PDLIM5: variants seen among roughly 807,000 people sequenced by gnomAD.
PDLIM5 encodes PDZ and LIM domain protein 5.
A neutral mutation model predicts 64.2 loss-of-function variants in PDLIM5; 34 were observed. The ratio of observed to expected loss-of-function variants is 0.53; its 90% CI spans 0.40 to 0.71. The LOEUF is 0.71. PDLIM5 is among the 30% of genes least tolerant of loss of function. The probability of loss-of-function intolerance (pLI) is 0.00; values close to 1 mark genes in which losing one functional copy is unlikely to be tolerated. For missense variants in PDLIM5, 683 were observed against 733.6 expected, an observed-to-expected ratio of 0.93 and a Z score of 0.80; for synonymous variants, 253 against 269.1, an observed-to-expected ratio of 0.94 and a Z score of 0.59.
intron 9 of PDLIM5, among the ~76,000 whole-genome samples, chr4:94,647,733 C>T (rs2110474618): frequency 6.6e-6 from 1 of 152,238 alleles, no homozygotes; most frequent in South Asian, 2.1e-4. Context: ...GTATGTGGAA[C>T]ATTCTCCGGG....
At chr4:94,538,391 T>G (rs752710117) in intron 3 of PDLIM5, among the ~76,000 whole-genome samples, 17 of 152,174 alleles carry the variant, frequency 1.1e-4, no homozygotes, top group Admixed American at 7.2e-4. Flanking sequence ...GATTCAAACT[T>G]TCATTTTGAT....
intron 3 of PDLIM5, among the ~76,000 whole-genome samples, chr4:94,547,147 G>A (rs1732395524): frequency 6.6e-6 from 1 of 152,066 alleles, no homozygotes; most frequent in Non-Finnish European, 1.5e-5. Flanking sequence ...ATTTACCTGT[G>A]TATTAGTTTC....
At chr4:94,459,406 A>ACCT (rs1266288094) in intron 2 of PDLIM5, among the ~76,000 whole-genome samples, 2 of 152,340 alleles carry the variant, frequency 1.3e-5, no homozygotes, top group East Asian at 3.9e-4. Flanking sequence ...GGGGAGGATA[A>ACCT]ATTGTTATAA....
At chr4:94,547,359 T>G (rs1732414414) in intron 3 of PDLIM5, among the ~76,000 whole-genome samples, 1 of 152,148 alleles carries the variant, frequency 6.6e-6, no homozygotes, top group African/African-American at 2.4e-5. Context: ...CTACCTGCAT[T>G]CCTTGACTTG....
intron 7 of PDLIM5, chr4:94,610,356 G>C: frequency 8.4e-7 from 1 of 1,184,942 alleles, no homozygotes; most frequent in African/African-American, 1.6e-5. Flanking sequence ...GCTCTTCACT[G>C]TCTTACAAGT....
intron 7 of PDLIM5, among the ~76,000 whole-genome samples, chr4:94,614,001 T>C (rs1464291355): frequency 6.7e-6 from 1 of 149,064 alleles, no homozygotes; most frequent in Non-Finnish European, 1.5e-5. Context: ...TCTTGCTCTT[T>C]CACCAGGCTG....
intron 7 of PDLIM5, among the ~76,000 whole-genome samples, chr4:94,599,456 A>G (rs1353931667): frequency 6.6e-6 from 1 of 152,140 alleles, no homozygotes; most frequent in East Asian, 1.9e-4. Flanking sequence ...GAATCGAGGG[A>G]TAGCAGACTG....
At chr4:94,528,420 A>G (rs966866394) in intron 3 of PDLIM5, among the ~76,000 whole-genome samples, 3 of 152,158 alleles carry the variant, frequency 2.0e-5, no homozygotes, top group African/African-American at 7.2e-5. Context: ...TAATAGTCAT[A>G]CCTAGCACTG....
chr4:94,541,666 T>G (rs1731816886), intron 3 of PDLIM5, among the ~76,000 whole-genome samples: 1 of 152,166 alleles, frequency 6.6e-6, no homozygotes, highest in Non-Finnish European at 1.5e-5. Flanking sequence ...AGTGAGGTAA[T>G]TCATTCTCCT....
At chr4:94,525,274 A>G (rs1277782156) in intron 3 of PDLIM5, among the ~76,000 whole-genome samples, 1 of 151,848 alleles carries the variant, frequency 6.6e-6, no homozygotes, top group Non-Finnish European at 1.5e-5. Flanking sequence ...CAAAAATTAG[A>G]TGGGTGTGGT....
Position 94,640,303 on chromosome 4 carries a change from G to A in PDLIM5, c.1136G>A (p.Ser379Asn), listed in dbSNP as rs780385803. 4 of 1,610,360 alleles carry A rather than the reference G, an allele frequency of 2.5e-6. No individual in the cohort carries two copies. Among genetic ancestry groups the A allele is most frequent in the Middle Eastern group, 1.6e-4 (1 of 6,076 alleles). Residue 379 changes from serine (S) to asparagine (N), a missense_variant, in exon 9 of 13, where the codon AGC (serine) becomes AAC (asparagine). Coordinates refer to ENST00000317968, the MANE Select transcript of PDLIM5 (RefSeq NM_006457.5). ...GVPSTGRISNSATYSGSVAPA... is the reference protein window; with the variant it reads ...GVPSTGRISNNATYSGSVAPA... The stretch of plus-strand genomic sequence containing the variant: ...CCTTCCACTGGAAGAATCTCAAACA[G>A]CGCTACTTACTCAGGATCAGTGGCA...
chr4:94,514,156 A>G (rs1413100525), intron 2 of PDLIM5, among the ~76,000 whole-genome samples: 1 of 128,668 alleles, frequency 7.8e-6, no homozygotes, highest in Non-Finnish European at 1.6e-5. Flanking sequence ...TTTTTTTGAG[A>G]CGGAGTCTTA....
chr4:94,478,981 C>A (rs1725598945), intron 2 of PDLIM5, among the ~76,000 whole-genome samples: 2 of 145,798 alleles, frequency 1.4e-5, no homozygotes, highest in South Asian at 4.4e-4. Flanking sequence ...CTCATTGCAG[C>A]CTTAACCTGC....
At chr4:94,586,662 T>G (rs1370687701) in intron 7 of PDLIM5, among the ~76,000 whole-genome samples, 1 of 152,184 alleles carries the variant, frequency 6.6e-6, no homozygotes, top group East Asian at 1.9e-4. Flanking sequence ...TTCCCTAGTA[T>G]TGAAATAAGA....
intron 7 of PDLIM5, among the ~76,000 whole-genome samples, chr4:94,612,253 A>AAT (rs1374884904): frequency 2.0e-5 from 3 of 151,986 alleles, no homozygotes; most frequent in African/African-American, 4.8e-5. Flanking sequence ...ACAAACAAAA[A>AAT]ATATATATAT....
At chr4:94,626,329 A>G (rs1739693527) in intron 8 of PDLIM5, among the ~76,000 whole-genome samples, 1 of 152,234 alleles carries the variant, frequency 6.6e-6, no homozygotes, top group Non-Finnish European at 1.5e-5. Flanking sequence ...AGAATGCACA[A>G]TAAGGTAATG....
At chr4:94,657,315 G>T in intron 10 of PDLIM5, 112 bp from the exon 11 acceptor site, 1 of 652,896 alleles carries the variant, frequency 1.5e-6, no homozygotes. Flanking sequence ...TGAAGTATGT[G>T]TGCCTACTTT....
intron 2 of PDLIM5, among the ~76,000 whole-genome samples, chr4:94,476,294 C>T (rs544500870): frequency 2.6e-5 from 4 of 152,080 alleles, no homozygotes; most frequent in East Asian, 1.9e-4. Context: ...TTTCTGGACA[C>T]GTAAAAGTAA....
chr4:94,532,217 A>G (rs1730940254), intron 3 of PDLIM5, among the ~76,000 whole-genome samples: 1 of 152,212 alleles, frequency 6.6e-6, no homozygotes, highest in African/African-American at 2.4e-5. Context: ...TACTACTGTT[A>G]CTACTTGAGC....
Sources: gnomAD v4.1 joint callset for allele counts (sites outside exome capture counted in the v4.1 genomes callset) on GRCh38, gnomAD v4.1.1 for gene constraint, MANE v1.5 for transcripts, NCBI Gene and HGNC (gene_info 2026-07-23, HGNC 2026-07-21) for gene names.